ARHGEF17: variants seen among roughly 807,000 people sequenced by gnomAD.
ARHGEF17 encodes 164 kDa Rho-specific guanine-nucleotide exchange factor.
ARHGEF17 carries 80 observed loss-of-function variants against 174.0 expected under a neutral mutation model. That is an observed-to-expected ratio of 0.46 (90% CI 0.38 to 0.55). The LOEUF is 0.55. ARHGEF17 is among the 20% of genes least tolerant of loss of function. The probability of loss-of-function intolerance (pLI) is 0.00; values close to 1 mark genes in which losing one functional copy is unlikely to be tolerated. For synonymous variants in ARHGEF17, 1,311 were observed against 1,189.1 expected, an observed-to-expected ratio of 1.10 and a Z score of -2.11; for missense variants, 2,886 against 2,839.7, an observed-to-expected ratio of 1.02 and a Z score of -0.37.
In ARHGEF17 at chr11:73,368,311, A is replaced by G. The variant is rs1865876171; in HGVS notation, c.*531A>G. Reference sequence around the variant, plus strand: ...TGGGGACCACCCTGGGACTCTAACCAAGCCTTCCTGGAGGGACCCATGCGC... The same window carrying G: ...TGGGGACCACCCTGGGACTCTAACCGAGCCTTCCTGGAGGGACCCATGCGC... On this transcript the variant is annotated 3_prime_UTR_variant, in exon 21 of 21. Transcript: ENST00000263674. 6.5e-6 allele frequency: 1 copy of G among 153,048 alleles called. No homozygotes were observed. The allele number at this position is 153,048 out of a possible 1,614,324, so 9.5% of individuals were successfully genotyped here. A position where few individuals can be genotyped will look rare whatever the true frequency, so the allele number is the denominator to read the frequency against.
At chr11:73,367,189 C>T (rs564606556) in intron 20 of ARHGEF17, among the ~76,000 whole-genome samples, 2 of 152,264 alleles carry the variant, frequency 1.3e-5, no homozygotes, top group South Asian at 4.1e-4. Context: ...CAGGAGTTGT[C>T]TGGGTTCACA....
intron 9 of ARHGEF17, among the ~76,000 whole-genome samples, chr11:73,358,336 G>C (rs934295864): frequency 2.6e-5 from 4 of 152,178 alleles, no homozygotes; most frequent in African/African-American, 9.7e-5. Flanking sequence ...CCTCACAGAG[G>C]GTGCCTTCTA....
intron 1 of ARHGEF17, chr11:73,343,357 G>T (rs995398602): frequency 2.6e-5 from 10 of 389,394 alleles, no homozygotes; most frequent in Non-Finnish European, 4.5e-5. Flanking sequence ...CCCAGGAGAC[G>T]GTGGGGGGAG....
At chr11:73,338,794 G>A (rs1220828757) in intron 1 of ARHGEF17, among the ~76,000 whole-genome samples, 1 of 151,824 alleles carries the variant, frequency 6.6e-6, no homozygotes, top group African/African-American at 2.4e-5. Context: ...GGAGGTGGCT[G>A]GTAGAACTGG....
intron 1 of ARHGEF17, among the ~76,000 whole-genome samples, chr11:73,319,546 T>C (rs1271188090): frequency 6.6e-6 from 1 of 152,226 alleles, no homozygotes; most frequent in African/African-American, 2.4e-5. Flanking sequence ...CATTATTCTT[T>C]CTACTGCACA....
At chr11:73,351,919 A>G (rs1476894918) in intron 2 of ARHGEF17, among the ~76,000 whole-genome samples, 1 of 152,140 alleles carries the variant, frequency 6.6e-6, no homozygotes, top group African/African-American at 2.4e-5. Context: ...AGATTTCCAT[A>G]TGTCATCCAT....
chr11:73,352,166 T>C (rs950607638), intron 2 of ARHGEF17, among the ~76,000 whole-genome samples: 6 of 151,512 alleles, frequency 4.0e-5, no homozygotes, highest in Non-Finnish European at 7.4e-5. Flanking sequence ...CTATGAAAAA[T>C]ATAAAAAACT....
chr11:73,362,309 T>C lies in ARHGEF17; in HGVS notation c.4694+70T>C, dbSNP rs1194556180. 3.4e-6 allele frequency: 5 copies of C among 1,450,982 alleles called. No homozygotes were observed. The African/African-American group carries it at 7.1e-5, about 21-fold the overall frequency. The allele number at this position is 1,450,982 out of a possible 1,614,324, so 89.9% of individuals were successfully genotyped here. A position where few individuals can be genotyped will look rare whatever the true frequency, so the allele number is the denominator to read the frequency against. ...AACCAACCCCTGTCCCAGCACACTC[T>C]CAGGCCGCCCCGGCGTGGTTGTGGG... On this transcript the variant is annotated intron_variant, in intron 13 of 20. Coordinates refer to ENST00000263674, the MANE Select transcript of ARHGEF17 (RefSeq NM_014786.4).
At chr11:73,350,127 A>G (rs986709385) in intron 2 of ARHGEF17, among the ~76,000 whole-genome samples, 3 of 152,266 alleles carry the variant, frequency 2.0e-5, no homozygotes, top group African/African-American at 7.2e-5. Flanking sequence ...CTCTGCAAGC[A>G]TGGTAAAAAG....
At position 73,311,141 on chromosome 11, in the gene ARHGEF17, G is replaced by T. The variant is rs763144304; in HGVS notation, c.2503G>T (p.Gly835Trp). 5 of 1,598,966 alleles carry T rather than the reference G, an allele frequency of 3.1e-6. No individual in the cohort carries two copies. The South Asian group carries it at 4.5e-5, about 14-fold the overall frequency. ...KKSLSDPSRR[G>W]ELAGPGFEGP... ...ATCCCTGAGTGACCCCAGCCGCCGT[G>T]GGGAGCTGGCTGGGCCTGGATTCGA... The change falls in exon 1 of 21, where the codon GGG (glycine) becomes TGG (tryptophan). Residue 835 changes from glycine to tryptophan, a missense_variant. Gly to Trp is a radical substitution (Grantham distance 184, BLOSUM62 -2). Coordinates refer to ENST00000263674, the MANE Select transcript of ARHGEF17 (RefSeq NM_014786.4).
Position 73,367,898 on chromosome 11 carries a change from C to T in ARHGEF17, c.*118C>T, listed in dbSNP as rs942121378. ...CCAGCCAGGGGCACACATGTGCCTG[C>T]GTGGGCTCTGCCTTGTCTTCGCGGA... On this transcript the variant is annotated 3_prime_UTR_variant, in exon 21 of 21. Transcript: ENST00000263674. 22 of 1,105,118 alleles carry T rather than the reference C, an allele frequency of 2.0e-5. No homozygotes were observed. Among genetic ancestry groups the T allele is most frequent in the Non-Finnish European group, 2.5e-5 (20 of 786,784 alleles). 68.5% of individuals were successfully genotyped at this position (1,105,118 alleles called of 1,614,324 possible).
At chr11:73,330,992 G>A (rs930984074) in intron 1 of ARHGEF17, among the ~76,000 whole-genome samples, 2 of 152,216 alleles carry the variant, frequency 1.3e-5, no homozygotes, top group African/African-American at 4.8e-5. Flanking sequence ...GGGGTTTCTA[G>A]GGGTGGGCAC....
At chr11:73,354,487 A>T (rs1865603867) in intron 3 of ARHGEF17, among the ~76,000 whole-genome samples, 1 of 152,136 alleles carries the variant, frequency 6.6e-6, no homozygotes, top group African/African-American at 2.4e-5. Flanking sequence ...AGGCCGAGGC[A>T]GGCAGATCAT....
At chr11:73,317,349 G>A (rs1864944760) in intron 1 of ARHGEF17, among the ~76,000 whole-genome samples, 1 of 152,162 alleles carries the variant, frequency 6.6e-6, no homozygotes, top group Non-Finnish European at 1.5e-5. Flanking sequence ...CAGCTACGTG[G>A]GCATTGCCAT....
At position 73,308,620 on chromosome 11, in the gene ARHGEF17, C is replaced by CT. The variant is rs1565181845; in HGVS notation, c.-19_-18insT. 12 of 1,448,934 alleles carry CT rather than the reference C, an allele frequency of 8.3e-6. No individual in the cohort carries two copies. The highest frequency in any genetic ancestry group is 1.1e-5 in the Non-Finnish European group (12 of 1,104,860). 89.8% of individuals were successfully genotyped at this position (1,448,934 alleles called of 1,614,324 possible). A position where few individuals can be genotyped will look rare whatever the true frequency, so the allele number is the denominator to read the frequency against. ...CGCGGCTGCCCGAGGCCAGCCCCCCCGGAGTGAGTTACGCCACTATGGCGG... is the reference window on the plus strand; with the variant it reads ...CGCGGCTGCCCGAGGCCAGCCCCCCCTGGAGTGAGTTACGCCACTATGGCGG... On this transcript the variant is annotated 5_prime_UTR_variant, in exon 1 of 21. Coordinates refer to ENST00000263674, the MANE Select transcript of ARHGEF17 (RefSeq NM_014786.4).
Position 73,351,089 on chromosome 11 carries a change from C to T in ARHGEF17, c.3271-1741C>T, listed in dbSNP as rs373098860. On this transcript the variant is annotated intron_variant, in intron 2 of 20. Coordinates refer to ENST00000263674, the MANE Select transcript of ARHGEF17 (RefSeq NM_014786.4). ...GTGAGCGGTTTAGCTGCTGCTCCTGCTCCTTGTGGAGCAGCGGGCCCTGAC... is the reference window on the plus strand; with the variant it reads ...GTGAGCGGTTTAGCTGCTGCTCCTGTTCCTTGTGGAGCAGCGGGCCCTGAC... Among the ~76,000 whole-genome samples, 17 of 152,308 alleles carry T rather than the reference C, an allele frequency of 1.1e-4. No individual in the cohort carries two copies. The East Asian group carries it at 3.1e-3, about 28-fold the overall frequency.
At chr11:73,319,188 CAAGTAGCTGGGACTACA>C (rs954224556) in intron 1 of ARHGEF17, among the ~76,000 whole-genome samples, 4 of 152,080 alleles carry the variant, frequency 2.6e-5, no homozygotes, top group African/African-American at 7.3e-5. Context: ...CTCAGCCTCC[CAAGTAGCTGGGACTACA>C]GGCATGCGCC....
Position 73,319,497 on chromosome 11 carries a change from C to T in ARHGEF17, c.3192+7667C>T, listed in dbSNP as rs112728181. On this transcript the variant is annotated intron_variant, in intron 1 of 20. Transcript: ENST00000263674. ...GTTATTATGTAAGGTGACATATTCA[C>T]AGGTTCTGGGGATTAGCATGAGGAT... is the stretch of plus-strand genomic sequence containing the variant. Among the ~76,000 whole-genome samples the T allele has an allele frequency of 1.1e-3, 165 of 152,302 alleles. 1 individual carries two copies. The highest frequency in any genetic ancestry group is 3.9e-3 in the African/African-American group (160 of 41,558).
At position 73,356,365 on chromosome 11, in the gene ARHGEF17, G is replaced by GCCCCCCCCCCCCCCCCC; in HGVS notation, c.3840+18_3840+19insCCCCCCCCCCCCCCCCC. 2.5e-6 allele frequency: 4 copies of GCCCCCCCCCCCCCCCCC among 1,593,342 alleles called. No individual in the cohort carries two copies. The highest frequency in any genetic ancestry group is 1.1e-5 in the South Asian group (1 of 88,774). On this transcript the variant is annotated intron_variant, in intron 6 of 20. Transcript: ENST00000263674. ...GGCATGGAGGATGTGCGTGCGCCCT[G>GCCCCCCCCCCCCCCCCC]CCCCACCCCACCCTACCCCACCCCA... is the stretch of plus-strand genomic sequence containing the variant.
Sources: allele counts gnomAD v4.1 joint callset (sites outside exome capture counted in the v4.1 genomes callset), GRCh38; gene constraint gnomAD v4.1.1; transcripts MANE v1.5; gene names NCBI Gene and HGNC (gene_info 2026-07-23, HGNC 2026-07-21).